Variants in TMEM39B observed in about 807,000 individuals in gnomAD.
The protein encoded by TMEM39B is transmembrane protein 39B.
In TMEM39B, 23 loss-of-function variants were observed where a neutral mutation model predicts 52.2. The observed-to-expected ratio is 0.44, with a 90% CI of 0.32 to 0.62. The LOEUF (loss-of-function observed/expected upper bound fraction) is 0.62. Among genes scored for constraint, TMEM39B ranks in the 20% least tolerant of loss-of-function variants. TMEM39B has a pLI of 0.06. For missense variants in TMEM39B, 547 were observed against 642.0 expected, an observed-to-expected ratio of 0.85 and a Z score of 1.60; for synonymous variants, 285 against 264.0, an observed-to-expected ratio of 1.08 and a Z score of -0.77.
intron 7 of TMEM39B, among the ~76,000 whole-genome samples, chr1:32,098,907 C>T (rs575936634): frequency 6.6e-6 from 1 of 152,230 alleles, no homozygotes; most frequent in East Asian, 1.9e-4. Flanking sequence ...AATAGATGAC[C>T]AGCATTGGGG....
chr1:32,072,633 T>C (rs1639687039), upstream of TMEM39B, among the ~76,000 whole-genome samples: 1 of 152,130 alleles, frequency 6.6e-6, no homozygotes, highest in Non-Finnish European at 1.5e-5. Flanking sequence ...TGGAGGTGCC[T>C]GCGGACCGGT....
chr1:32,093,164 T>A (rs1302727714), intron 6 of TMEM39B, among the ~76,000 whole-genome samples: 1 of 151,894 alleles, frequency 6.6e-6, no homozygotes, highest in Non-Finnish European at 1.5e-5. Context: ...AGTGGTGCGA[T>A]CTTAGCTCAC....
chr1:32,073,206 T>G, intron 1 of TMEM39B, 155 bp downstream of exon 1: 22 of 820,546 alleles, frequency 2.7e-5, no homozygotes, highest in East Asian at 1.8e-4. Context: ...CCTGTCGTTT[T>G]GCGGGGTGGG....
chr1:32,094,309 T>C lies in TMEM39B; in HGVS notation c.928-475T>C, dbSNP rs143436423. 1.7e-4 allele frequency among the ~76,000 whole-genome samples: 26 copies of C among 151,328 alleles called. No individual in the cohort carries two copies. In the East Asian group the frequency reaches 4.9e-3, roughly 28 times the overall value. ...GCCCGGCTAATTTTTGTATTTTTAGTAGAGACAGGGTTTCACTATATTGGC... is the reference window on the plus strand; with the variant it reads ...GCCCGGCTAATTTTTGTATTTTTAGCAGAGACAGGGTTTCACTATATTGGC... On this transcript the variant is annotated intron_variant, in intron 6 of 8. Transcript: ENST00000336294.
At chr1:32,098,027 G>C (rs962322514) in intron 7 of TMEM39B, among the ~76,000 whole-genome samples, 5 of 151,290 alleles carry the variant, frequency 3.3e-5, no homozygotes, top group Non-Finnish European at 2.9e-5. Context: ...ACGGGGTTTC[G>C]CTCTTGTTGC....
At chr1:32,102,310 C>G (rs895667059) in intron 8 of TMEM39B, 121 bp from the exon 9 acceptor site, 1 of 1,362,780 alleles carries the variant, frequency 7.3e-7, no homozygotes, top group Admixed American at 2.2e-5. Flanking sequence ...GTCTTCTTCC[C>G]CACCCATGTC....
intron 5 of TMEM39B, among the ~76,000 whole-genome samples, chr1:32,090,982 C>T (rs1244413330): frequency 6.6e-6 from 1 of 152,040 alleles, no homozygotes; most frequent in Non-Finnish European, 1.5e-5. Flanking sequence ...GAGATGGGGT[C>T]TCACTATGTT....
intron 5 of TMEM39B, among the ~76,000 whole-genome samples, chr1:32,081,412 C>T (rs1287560187): frequency 6.6e-6 from 1 of 151,948 alleles, no homozygotes; most frequent in Non-Finnish European, 1.5e-5. Context: ...GTTGGAACTA[C>T]AGGCATCAGC....
At chr1:32,082,822 T>C (rs956856561) in intron 5 of TMEM39B, among the ~76,000 whole-genome samples, 6 of 151,868 alleles carry the variant, frequency 4.0e-5, no homozygotes, top group African/African-American at 7.3e-5. Flanking sequence ...TCGCCCAGGC[T>C]GTAGTGCAGT....
chr1:32,100,167 T>A (rs1640964470), intron 7 of TMEM39B, among the ~76,000 whole-genome samples: 1 of 152,002 alleles, frequency 6.6e-6, no homozygotes, highest in South Asian at 2.1e-4. Flanking sequence ...TGAGACCAGA[T>A]GAAGCAAAGG....
In TMEM39B at chr1:32,073,062, C is replaced by A; in HGVS notation, c.4+11C>A. On this transcript the variant is annotated intron_variant, in intron 1 of 8. Coordinates refer to ENST00000336294, the MANE Select transcript of TMEM39B (RefSeq NM_018056.4). ...GGGGGGAGGAGATGGGTGAGCAGAG[C>A]GGCTCAGGCTCGGCCTGGCAACGAG... 6.7e-7 allele frequency: 1 copy of A among 1,497,198 alleles called. No individual in the cohort carries two copies. Among genetic ancestry groups the A allele is most frequent in the South Asian group, 1.3e-5 (1 of 78,888 alleles). The allele number at this position is 1,497,198 out of a possible 1,614,324, so 92.7% of individuals were successfully genotyped here.
At chr1:32,095,306 G>A (rs146581498) in intron 7 of TMEM39B, among the ~76,000 whole-genome samples, 8 of 152,218 alleles carry the variant, frequency 5.3e-5, no homozygotes, top group South Asian at 2.1e-4. Flanking sequence ...GGGTCATTAC[G>A]TCACCTACTC....
chr1:32,077,267 T>C lies in TMEM39B; in HGVS notation c.539T>C (p.Ile180Thr), dbSNP rs1443683323. ...GGCTGGAGTCTGTGCCGATCCCTCA[T>C]CCACCTCTTCAGGACCTACTCCTTC... is the stretch of plus-strand genomic sequence containing the variant. ...ATGWSLCRSL[I>T]HLFRTYSFLN... The change falls in exon 5 of 9, where the codon ATC (isoleucine) becomes ACC (threonine). Residue 180 changes from isoleucine (I) to threonine (T), a missense_variant. Physicochemically the swap from Ile to Thr is moderately conservative, Grantham distance 89. Transcript: ENST00000336294. 1 of 1,614,170 alleles carries C rather than the reference T, an allele frequency of 6.2e-7. No homozygotes were observed. The highest frequency in any genetic ancestry group is 1.1e-5 in the South Asian group (1 of 91,086).
intron 5 of TMEM39B, among the ~76,000 whole-genome samples, chr1:32,088,772 T>A (rs1488363428): frequency 6.6e-6 from 1 of 152,138 alleles, no homozygotes; most frequent in Non-Finnish European, 1.5e-5. Context: ...CGAGATTCTT[T>A]AAGTTTAAGC....
At chr1:32,073,772 C>T (rs1639738516) in intron 1 of TMEM39B, 1 of 985,276 alleles carries the variant, frequency 1.0e-6, no homozygotes. Flanking sequence ...GGGCATACAT[C>T]CAAGCCCAAA....
chr1:32,094,117 CTTT>C (rs796499631), intron 6 of TMEM39B, among the ~76,000 whole-genome samples: 1 of 29,804 alleles, frequency 3.4e-5, no homozygotes, highest in Admixed American at 6.9e-4. Flanking sequence ...TGCGCCTGGC[CTTT>C]TTTTTTTTTT....
rs986670478 is a variant in TMEM39B at position 32,100,432 on chromosome 1, G to A, written c.1116-10G>A. ...TGGGGATAAGGGGCACCATTGAACT[G>A]TGCCCCCAGGTGGACTGAAGAATGC... On this transcript the variant is annotated splice_polypyrimidine_tract_variant and intron_variant, in intron 7 of 8. Coordinates refer to ENST00000336294, the MANE Select transcript of TMEM39B (RefSeq NM_018056.4). 1.9e-6 allele frequency: 3 copies of A among 1,576,796 alleles called. No homozygotes were observed. The highest frequency in any genetic ancestry group is 2.6e-6 in the Non-Finnish European group (3 of 1,162,298).
intron 5 of TMEM39B, among the ~76,000 whole-genome samples, chr1:32,090,298 G>A (rs950116161): frequency 1.3e-5 from 2 of 152,144 alleles, no homozygotes; most frequent in Admixed American, 1.3e-4. Context: ...CTCTCAGGGT[G>A]CTGCTCAGGG....
intron 5 of TMEM39B, among the ~76,000 whole-genome samples, chr1:32,089,120 C>T (rs144771097): frequency 1.3e-4 from 20 of 148,636 alleles, no homozygotes; most frequent in Non-Finnish European, 2.2e-4. Context: ...TAGTAAGTGG[C>T]AGAGCTGGGA....
Sources: allele counts gnomAD v4.1 joint callset (sites outside exome capture counted in the v4.1 genomes callset), GRCh38; gene constraint gnomAD v4.1.1; transcripts MANE v1.5; gene names NCBI Gene and HGNC (gene_info 2026-07-23, HGNC 2026-07-21).